GREM2: variants seen among roughly 807,000 people sequenced by gnomAD.
GREM2 encodes gremlin 2, DAN family BMP antagonist.
Under a neutral mutation model 14.2 loss-of-function variants are expected in GREM2, and 11 were observed. The observed-to-expected ratio is 0.78, with a 90% CI of 0.49 to 1.28. GREM2 has a LOEUF of 1.28. Ranked by LOEUF, GREM2 falls within the 50% of genes most tolerant of loss-of-function variation. The probability of loss-of-function intolerance (pLI) is 0.00; values close to 1 mark genes in which losing one functional copy is unlikely to be tolerated. For synonymous variants in GREM2, 98 were observed against 97.6 expected (o/e 1.00, Z -0.02); for missense variants, 210 against 218.5 (o/e 0.96, Z 0.24).
chr1:240,572,153 C>T (rs2103364785), intron 1 of GREM2, among the ~76,000 whole-genome samples: 1 of 152,294 alleles, frequency 6.6e-6, no homozygotes, highest in Admixed American at 6.5e-5. Flanking sequence ...TAGAATATTT[C>T]TACAGATTTA....
chr1:240,520,936 A>G (rs917737045), intron 1 of GREM2, among the ~76,000 whole-genome samples: 2 of 146,098 alleles, frequency 1.4e-5, no homozygotes, highest in Non-Finnish European at 3.0e-5. Flanking sequence ...AAAGCATTTT[A>G]GTTTTTGTTT....
rs546307765 is a variant in GREM2, at chr1:240,559,888, C to T, written c.-2+51996G>A. Among the ~76,000 whole-genome samples, 412 of 152,170 alleles carry T rather than the reference C, an allele frequency of 2.7e-3. 2 individuals carry two copies. Among genetic ancestry groups the T allele is most frequent in the South Asian group, 4.8e-3 (23 of 4,814 alleles). On this transcript the variant is annotated intron_variant, in intron 1 of 1. Coordinates refer to ENST00000318160, the MANE Select transcript of GREM2 (RefSeq NM_022469.4). ...TGAAACATGGTGTTCAGTGGTGCCT[C>T]GATATGTTCAACTCAAACAATGGCA...
intron 1 of GREM2, among the ~76,000 whole-genome samples, chr1:240,497,543 A>T (rs1405489974): frequency 1.3e-5 from 2 of 151,722 alleles, no homozygotes; most frequent in African/African-American, 4.8e-5. Context: ...TCTGAACAGG[A>T]TTCCTCAGGG....
chr1:240,497,536 G>C (rs887053174), intron 1 of GREM2, among the ~76,000 whole-genome samples: 23 of 151,642 alleles, frequency 1.5e-4, no homozygotes, highest in African/African-American at 5.6e-4. Context: ...CTTGAAATCT[G>C]AACAGGATTC....
chr1:240,493,824 C>G (rs1275575382), intron 1 of GREM2, among the ~76,000 whole-genome samples: 20 of 152,184 alleles, frequency 1.3e-4, no homozygotes, highest in Admixed American at 1.3e-3. Flanking sequence ...GCCACCACGT[C>G]TTTTTAATGC....
chr1:240,499,775 G>A (rs1295132074), intron 1 of GREM2, among the ~76,000 whole-genome samples: 1 of 152,188 alleles, frequency 6.6e-6, no homozygotes, highest in African/African-American at 2.4e-5. Context: ...CCTGAGATCT[G>A]TTTTGTAAAT....
intron 1 of GREM2, among the ~76,000 whole-genome samples, chr1:240,576,789 G>T (rs927063492): frequency 3.1e-4 from 47 of 152,240 alleles, no homozygotes; most frequent in African/African-American, 9.6e-4. Context: ...CAATTAGAAT[G>T]AAATTAAACT....
At chr1:240,605,630 A>G (rs529884413) in intron 1 of GREM2, among the ~76,000 whole-genome samples, 1 of 152,092 alleles carries the variant, frequency 6.6e-6, no homozygotes, top group African/African-American at 2.4e-5. Context: ...TAAATCTTCT[A>G]ATCCAAAAAT....
intron 1 of GREM2, among the ~76,000 whole-genome samples, chr1:240,585,265 C>T (rs1679571640): frequency 6.6e-6 from 1 of 152,102 alleles, no homozygotes; most frequent in African/African-American, 2.4e-5. Context: ...GAGACACCCC[C>T]TCTTAGGACC....
At chr1:240,532,153 G>A (rs180773257) in intron 1 of GREM2, among the ~76,000 whole-genome samples, 4 of 151,716 alleles carry the variant, frequency 2.6e-5, no homozygotes, top group Admixed American at 2.0e-4. Flanking sequence ...GCACGATCTC[G>A]GCTCACTGCA....
intron 1 of GREM2, among the ~76,000 whole-genome samples, chr1:240,591,992 G>T (rs927630843): frequency 1.3e-5 from 2 of 152,168 alleles, no homozygotes; most frequent in Admixed American, 6.5e-5. Context: ...TTTACAGTCT[G>T]GTTCCAAGGA....
At chr1:240,559,057 G>A (rs1266977107) in intron 1 of GREM2, among the ~76,000 whole-genome samples, 1 of 151,966 alleles carries the variant, frequency 6.6e-6, no homozygotes, top group African/African-American at 2.4e-5. Context: ...CGTAATTATT[G>A]TGGGTATTCT....
At chr1:240,502,382 A>T (rs1203006404) in intron 1 of GREM2, among the ~76,000 whole-genome samples, 2 of 151,904 alleles carry the variant, frequency 1.3e-5, no homozygotes, top group East Asian at 1.9e-4. Context: ...TTTTTCAATT[A>T]TTTTGCTTCA....
intron 1 of GREM2, among the ~76,000 whole-genome samples, chr1:240,576,820 G>A (rs538153871): frequency 2.6e-5 from 4 of 152,214 alleles, no homozygotes; most frequent in African/African-American, 4.8e-5. Flanking sequence ...AAACTGAGTC[G>A]AGGTTTATTA....
intron 1 of GREM2, among the ~76,000 whole-genome samples, chr1:240,599,226 C>T (rs1679873920): frequency 6.6e-6 from 1 of 151,138 alleles, no homozygotes; most frequent in Non-Finnish European, 1.5e-5. Flanking sequence ...CAAGATCATG[C>T]CACTCCACTT....
chr1:240,562,968 G>C (rs1192097857), intron 1 of GREM2, among the ~76,000 whole-genome samples: 1 of 117,400 alleles, frequency 8.5e-6, no homozygotes, highest in Non-Finnish European at 1.6e-5. Flanking sequence ...GTGAGTGTGT[G>C]TATGTGTGTA....
At chr1:240,515,028 G>C (rs1677923712) in intron 1 of GREM2, among the ~76,000 whole-genome samples, 1 of 152,164 alleles carries the variant, frequency 6.6e-6, no homozygotes, top group African/African-American at 2.4e-5. Context: ...GAAATGTTTT[G>C]AAAATGAAGC....
At chr1:240,504,624 G>C (rs2103281688) in intron 1 of GREM2, among the ~76,000 whole-genome samples, 1 of 152,274 alleles carries the variant, frequency 6.6e-6, no homozygotes. Context: ...AGGGCACCAA[G>C]CAAAGGGACA....
chr1:240,498,764 G>A (rs1357236925), intron 1 of GREM2, among the ~76,000 whole-genome samples: 11 of 152,208 alleles, frequency 7.2e-5, no homozygotes, highest in Admixed American at 2.0e-4. Context: ...TGCCGGTAAC[G>A]ACAGCACGAG....
Sources: allele counts gnomAD v4.1 joint callset (sites outside exome capture counted in the v4.1 genomes callset), GRCh38; gene constraint gnomAD v4.1.1; transcripts MANE v1.5; gene names NCBI Gene and HGNC (gene_info 2026-07-23, HGNC 2026-07-21).